Variants in PITRM1 observed in about 807,000 individuals in gnomAD.
PITRM1 encodes pitrilysin metallopeptidase 1.
In PITRM1, 100 loss-of-function variants were observed where a neutral mutation model predicts 129.9. The ratio of observed to expected loss-of-function variants is 0.77; its 90% CI spans 0.65 to 0.91. PITRM1 has a LOEUF of 0.91. Among genes scored for constraint, PITRM1 ranks in the 40% least tolerant of loss-of-function variants. The pLI, the probability that PITRM1 is intolerant of heterozygous loss-of-function variation, is 0.00. For missense variants in PITRM1, 1,471 were observed against 1,318.3 expected (o/e 1.12, Z -1.79); for synonymous variants, 591 against 508.8 (o/e 1.16, Z -2.17).
intron 22 of PITRM1, chr10:3,143,911 A>G (rs56724655): frequency 1.7e-5 from 9 of 516,772 alleles, no homozygotes; most frequent in Non-Finnish European, 3.3e-5. Flanking sequence ...CATCAGCACC[A>G]GGCTGAGTCG....
intron 14 of PITRM1, among the ~76,000 whole-genome samples, chr10:3,153,009 A>G (rs539977387): frequency 6.6e-6 from 1 of 152,362 alleles, no homozygotes; most frequent in South Asian, 2.1e-4. Flanking sequence ...CTTTTACTAC[A>G]TAGTTTCCCA....
At chr10:3,138,395 T>C in intron 25 of PITRM1, 58 bp from the exon 26 acceptor site, 4 of 1,107,846 alleles carry the variant, frequency 3.6e-6, no homozygotes, top group Admixed American at 1.7e-5. Flanking sequence ...CGTTGTGGGC[T>C]GTGCACTCAT....
chr10:3,147,614 C>T lies in PITRM1; in HGVS notation c.2193G>A (p.Thr731=), dbSNP rs371763320. 44 of 1,613,908 alleles carry T rather than the reference C, an allele frequency of 2.7e-5. No individual in the cohort carries two copies. Among genetic ancestry groups the T allele is most frequent in the Middle Eastern group, 1.6e-4 (1 of 6,082 alleles). ...YASIRAGRTL[T]PAGDLQETFS... ...AGGTCTCCTGCAGGTCCCCTGCGGG[C>T]GTGAGGGTCCGGCCTGCCCTGATGG... The change falls in exon 19 of 27, where the codon ACG becomes ACA. Residue 731 remains threonine (T), a synonymous_variant. Transcript: ENST00000224949.
Position 3,156,922 on chromosome 10 carries a change from T to C in PITRM1, c.1482+8A>G, listed in dbSNP as rs779158435. On this transcript the variant is annotated splice_region_variant and intron_variant, in intron 13 of 26. Coordinates refer to ENST00000224949, the MANE Select transcript of PITRM1 (RefSeq NM_014889.4). ...AAATTAGAGAAATGAATTATCCAACTTTCTTACCTTAAAATACTGTTTTAC... is the reference window on the plus strand; with the variant it reads ...AAATTAGAGAAATGAATTATCCAACCTTCTTACCTTAAAATACTGTTTTAC... 6.6e-7 allele frequency: 1 copy of C among 1,526,252 alleles called. No individual in the cohort carries two copies. The highest frequency in any genetic ancestry group is 1.3e-5 in the South Asian group (1 of 79,354). The allele number at this position is 1,526,252 out of a possible 1,614,324, so 94.5% of individuals were successfully genotyped here. A position where few individuals can be genotyped will look rare whatever the true frequency, so the allele number is the denominator to read the frequency against.
rs182815682 is a variant in PITRM1 at position 3,159,285 on chromosome 10, A to G, written c.1008-243T>C. On this transcript the variant is annotated intron_variant, in intron 9 of 26. Coordinates refer to ENST00000224949, the MANE Select transcript of PITRM1 (RefSeq NM_014889.4). ...CTCACCATGGGACAGCCTGCCAAGC[A>G]CTTTTCACACGTGATTTAAATCACA... Among the ~76,000 whole-genome samples, 767 of 152,322 alleles carry G rather than the reference A, an allele frequency of 5.0e-3. 5 individuals carry two copies. Among genetic ancestry groups the G allele is most frequent in the Middle Eastern group, 0.034 (10 of 294 alleles).
chr10:3,141,096 C>T (rs1840146461), intron 23 of PITRM1, among the ~76,000 whole-genome samples: 2 of 152,176 alleles, frequency 1.3e-5, no homozygotes, highest in South Asian at 4.1e-4. Flanking sequence ...TGTGTGCCAC[C>T]ACGCCTGACT....
At chr10:3,143,264 A>G in intron 23 of PITRM1, 125 bp downstream of exon 23, 1 of 650,946 alleles carries the variant, frequency 1.5e-6, no homozygotes, top group Non-Finnish European at 2.8e-6. Flanking sequence ...ACACAGCCCC[A>G]GGTCCAACAC....
At chr10:3,157,250 T>A (rs1271921690) in intron 12 of PITRM1, 185 bp downstream of exon 12, 1 of 682,306 alleles carries the variant, frequency 1.5e-6, no homozygotes, top group African/African-American at 1.9e-5. Flanking sequence ...CCTGTTTTGT[T>A]CCAATAAAAT....
chr10:3,145,908 G>C, intron 20 of PITRM1, 192 bp from the exon 21 acceptor site: 1 of 578,318 alleles, frequency 1.7e-6, no homozygotes. Context: ...AGAGATTTCC[G>C]CACAGTTCAA....
chr10:3,166,696 C>CT (rs1564435549), intron 3 of PITRM1, among the ~76,000 whole-genome samples: 1 of 152,168 alleles, frequency 6.6e-6, no homozygotes, highest in Non-Finnish European at 1.5e-5. Context: ...CAGCCTGCAG[C>CT]CCGCATGCTC....
chr10:3,148,086 G>T, intron 17 of PITRM1, 23 bp from the exon 18 acceptor site: 1 of 1,613,770 alleles, frequency 6.2e-7, no homozygotes, highest in African/African-American at 1.3e-5. Flanking sequence ...AAACACAGAA[G>T]AAAGGAATTA....
At chr10:3,167,185 G>A (rs539250199) in intron 2 of PITRM1, 143 bp from the exon 3 acceptor site, 3 of 595,838 alleles carry the variant, frequency 5.0e-6, no homozygotes, top group African/African-American at 3.7e-5. Flanking sequence ...CTGGAGAGAA[G>A]AGAACCATCT....
At chr10:3,165,190 C>A in intron 6 of PITRM1, 48 bp downstream of exon 6, 1 of 1,269,490 alleles carries the variant, frequency 7.9e-7, no homozygotes, top group Non-Finnish European at 1.1e-6. Flanking sequence ...TGATATTGTA[C>A]ATGGGAAAGG....
At chr10:3,165,178 CATG>C in intron 6 of PITRM1, 57 bp downstream of exon 6, 2 of 1,143,934 alleles carry the variant, frequency 1.7e-6, no homozygotes, top group African/African-American at 1.6e-5. Flanking sequence ...GTGTCTATAT[CATG>C]ATATTGTACA....
chr10:3,167,007 C>G lies in PITRM1; in HGVS notation c.195G>C (p.Val65=), dbSNP rs1345799379. The change falls in exon 3 of 27, where the codon GTG becomes GTC. Residue 65 remains valine, a synonymous_variant. Transcript: ENST00000224949. The part of the protein sequence containing the change: ...TSVPELFLTA[V]KLTHDDTGAR... The stretch of plus-strand genomic sequence containing the variant: ...CTCCTGTGTCATCATGGGTGAGCTT[C>G]ACTGCAGTCAGGAACAGCTCGGGAA... 1 of 1,610,238 alleles carries G rather than the reference C, an allele frequency of 6.2e-7. No homozygotes were observed. Among genetic ancestry groups the G allele is most frequent in the South Asian group, 1.1e-5 (1 of 90,100 alleles).
rs572566541 is a variant in PITRM1 at position 3,155,452 on chromosome 10, A to G, written c.1621+139T>C. ...TTCTGAGAATATCTGAACTCAATGCATCGAACGTGAGCTCTGTTGGCGCCC... is the reference window on the plus strand; with the variant it reads ...TTCTGAGAATATCTGAACTCAATGCGTCGAACGTGAGCTCTGTTGGCGCCC... On this transcript the variant is annotated intron_variant, in intron 14 of 26. Coordinates refer to ENST00000224949, the MANE Select transcript of PITRM1 (RefSeq NM_014889.4). The G allele has an allele frequency of 5.0e-6, 5 of 993,286 alleles. No homozygotes were observed. The East Asian group carries it at 7.3e-5, about 15-fold the overall frequency. The allele number at this position is 993,286 out of a possible 1,614,324, so 61.5% of individuals were successfully genotyped here.
intron 20 of PITRM1, 27 bp downstream of exon 20, chr10:3,147,123 A>G: frequency 8.2e-7 from 1 of 1,226,490 alleles, no homozygotes; most frequent in Non-Finnish European, 1.2e-6. Context: ...GAATCATAAA[A>G]TATTTAGAAA....
At chr10:3,160,595 A>G (rs146539642) in intron 7 of PITRM1, among the ~76,000 whole-genome samples, 26 of 152,222 alleles carry the variant, frequency 1.7e-4, no homozygotes, top group African/African-American at 6.3e-4. Flanking sequence ...TGCCTAATTT[A>G]TAAATTCAAC....
intron 2 of PITRM1, among the ~76,000 whole-genome samples, chr10:3,168,987 C>T (rs1017887535): frequency 2.1e-5 from 3 of 142,730 alleles, no homozygotes; most frequent in Middle Eastern, 6.6e-3. Flanking sequence ...CGTGGTGGCA[C>T]CTTGTCCCAG....
Sources: allele counts gnomAD v4.1 joint callset (sites outside exome capture counted in the v4.1 genomes callset), GRCh38; gene constraint gnomAD v4.1.1; transcripts MANE v1.5; gene names NCBI Gene and HGNC (gene_info 2026-07-23, HGNC 2026-07-21).